Variants in DOCK4 observed in about 807,000 individuals in gnomAD.
The protein encoded by DOCK4 is dedicator of cytokinesis 4.
A neutral mutation model predicts 268.1 loss-of-function variants in DOCK4; 97 were observed. The ratio of observed to expected loss-of-function variants is 0.36; its 90% CI spans 0.31 to 0.43. The LOEUF (loss-of-function observed/expected upper bound fraction) is 0.43. DOCK4 is among the 20% of genes least tolerant of loss of function. The pLI is 1.00. For missense variants in DOCK4, 2,145 were observed against 2,455.7 expected, an observed-to-expected ratio of 0.87 and a Z score of 2.67; for synonymous variants, 954 against 887.2, an observed-to-expected ratio of 1.08 and a Z score of -1.34.
chr7:111,734,343 C>T (rs899807198), intron 51 of DOCK4, among the ~76,000 whole-genome samples: 18 of 152,140 alleles, frequency 1.2e-4, no homozygotes, highest in African/African-American at 4.3e-4. Context: ...TGTACCACCA[C>T]ACCTGGCTAA....
At chr7:111,941,938 T>TCC (rs1795236310) in intron 10 of DOCK4, among the ~76,000 whole-genome samples, 5 of 152,210 alleles carry the variant, frequency 3.3e-5, no homozygotes, top group African/African-American at 7.2e-5. Flanking sequence ...TCCACCTGAC[T>TCC]CATGTCTTCA....
chr7:112,135,886 A>G (rs902172284), intron 1 of DOCK4, among the ~76,000 whole-genome samples: 2 of 152,212 alleles, frequency 1.3e-5, no homozygotes, highest in Admixed American at 6.5e-5. Flanking sequence ...TAATAAGAGA[A>G]ACCAACCCTT....
At chr7:112,032,940 G>A (rs1169999545) in intron 1 of DOCK4, among the ~76,000 whole-genome samples, 1 of 152,120 alleles carries the variant, frequency 6.6e-6, no homozygotes, top group East Asian at 1.9e-4. Flanking sequence ...GGGGAAAAGA[G>A]GCATTAAAGT....
chr7:112,117,232 G>T (rs144432666), intron 1 of DOCK4, among the ~76,000 whole-genome samples: 27 of 152,186 alleles, frequency 1.8e-4, no homozygotes, highest in African/African-American at 6.5e-4. Context: ...GCCCTCTAAA[G>T]CCCTCATTCA....
At chr7:111,783,571 T>TC in intron 34 of DOCK4, among the ~76,000 whole-genome samples, 1 of 151,958 alleles carries the variant, frequency 6.6e-6, no homozygotes, top group Non-Finnish European at 1.5e-5. Context: ...AATAAAGATT[T>TC]TTTTTTTTTT....
chr7:111,934,530 T>TTG (rs1794541539), intron 12 of DOCK4, among the ~76,000 whole-genome samples: 2 of 134,322 alleles, frequency 1.5e-5, no homozygotes, highest in African/African-American at 6.1e-5. Flanking sequence ...TTTGTTTTTT[T>TTG]TTTTTTTTTT....
chr7:111,915,212 G>A (rs1225716463), intron 13 of DOCK4, among the ~76,000 whole-genome samples: 1 of 152,150 alleles, frequency 6.6e-6, no homozygotes, highest in Non-Finnish European at 1.5e-5. Flanking sequence ...ATGTCACACT[G>A]TAAAACTGCT....
At chr7:112,163,933 T>C (rs553626249) in intron 1 of DOCK4, among the ~76,000 whole-genome samples, 1 of 152,320 alleles carries the variant, frequency 6.6e-6, no homozygotes, top group Admixed American at 6.5e-5. Context: ...TGAGCATTTA[T>C]TATGTACCAA....
At chr7:111,852,189 C>T (rs1347229362) in intron 23 of DOCK4, among the ~76,000 whole-genome samples, 3 of 152,020 alleles carry the variant, frequency 2.0e-5, no homozygotes, top group African/African-American at 7.3e-5. Flanking sequence ...GTCTTGAACT[C>T]CTCCGCTCAG....
chr7:112,037,104 C>T (rs1015210536), intron 1 of DOCK4, among the ~76,000 whole-genome samples: 1 of 152,120 alleles, frequency 6.6e-6, no homozygotes, highest in Non-Finnish European at 1.5e-5. Flanking sequence ...GGAGGCAAGC[C>T]ATTCTGTTTT....
chr7:111,864,869 G>T (rs961527503), intron 22 of DOCK4, among the ~76,000 whole-genome samples: 1 of 152,138 alleles, frequency 6.6e-6, no homozygotes, highest in Admixed American at 6.5e-5. Context: ...TTTTCCTCAG[G>T]TATCCCTTAA....
chr7:112,116,412 A>G (rs1439229603), intron 1 of DOCK4, among the ~76,000 whole-genome samples: 1 of 152,136 alleles, frequency 6.6e-6, no homozygotes, highest in African/African-American at 2.4e-5. Flanking sequence ...TCATCCCTTG[A>G]TGGACACTTG....
intron 1 of DOCK4, 92 bp from the exon 2 acceptor site, chr7:112,004,223 G>A (rs1487336265): frequency 1.0e-6 from 1 of 956,270 alleles, no homozygotes; most frequent in Non-Finnish European, 1.6e-6. Flanking sequence ...AATATAAATA[G>A]GAAGTATAAT....
chr7:111,789,237 A>G (rs910440541), intron 31 of DOCK4: 23 of 167,332 alleles, frequency 1.4e-4, no homozygotes, highest in Admixed American at 1.0e-3. Flanking sequence ...TGCCTTACCC[A>G]CGTACAGATG....
chr7:111,883,487 C>T (rs892185872), intron 16 of DOCK4, among the ~76,000 whole-genome samples: 1 of 152,132 alleles, frequency 6.6e-6, no homozygotes, highest in East Asian at 1.9e-4. Flanking sequence ...CATCTGTTCA[C>T]AGAAATTCTG....
At chr7:111,813,825 T>C (rs886928899) in intron 27 of DOCK4, among the ~76,000 whole-genome samples, 2 of 152,232 alleles carry the variant, frequency 1.3e-5, no homozygotes, top group Admixed American at 6.5e-5. Context: ...AGTTTTACTA[T>C]ATGAAACTGA....
intron 1 of DOCK4, among the ~76,000 whole-genome samples, chr7:112,157,237 T>A (rs939418962): frequency 6.6e-6 from 1 of 152,148 alleles, no homozygotes; most frequent in Non-Finnish European, 1.5e-5. Context: ...AAACCTCATA[T>A]GTGTTTTGGC....
chr7:111,737,101 G>A lies in DOCK4; in HGVS notation c.5233-112C>T, dbSNP rs187011569. On this transcript the variant is annotated intron_variant, in intron 49 of 52. Coordinates refer to ENST00000428084, the MANE Select transcript of DOCK4 (RefSeq NM_001363540.2). ...AAACTTTTTGTTCAAAATAATTTTT[G>A]TGTGATATGATGAGCCTAGGAACAA... is the stretch of plus-strand genomic sequence containing the variant. The A allele has an allele frequency of 2.6e-4, 232 of 888,248 alleles. No homozygotes were observed. In the African/African-American group the frequency reaches 3.6e-3, roughly 14 times the overall value. The allele number at this position is 888,248 out of a possible 1,614,324, so 55.0% of individuals were successfully genotyped here. A position where few individuals can be genotyped will look rare whatever the true frequency, so the allele number is the denominator to read the frequency against.
In DOCK4 at chr7:112,170,669, C is replaced by A. The variant is rs562276076; in HGVS notation, c.37+35433G>T. ...ATTTAACATATTTTATAAAAATTTT[C>A]TTTAAAAATATTCTTAATTAGGATG... On this transcript the variant is annotated intron_variant, in intron 1 of 52. Coordinates refer to ENST00000428084, the MANE Select transcript of DOCK4 (RefSeq NM_001363540.2). Among the ~76,000 whole-genome samples, 5 of 152,212 alleles carry A rather than the reference C, an allele frequency of 3.3e-5. 1 individual carries two copies. The highest frequency in any genetic ancestry group is 1.2e-4 in the African/African-American group (5 of 41,536).
Sources: gnomAD v4.1 joint callset for allele counts (sites outside exome capture counted in the v4.1 genomes callset) on GRCh38, gnomAD v4.1.1 for gene constraint, MANE v1.5 for transcripts, NCBI Gene and HGNC (gene_info 2026-07-23, HGNC 2026-07-21) for gene names.